The following ELF5 variants were observed in gnomAD, a reference collection of about 807,000 sequenced individuals.
ELF5 encodes the protein E74 like ETS transcription factor 5, also known as ETS-related transcription factor Elf-5.
ELF5 carries 31 observed loss-of-function variants against 38.2 expected under a neutral mutation model. The ratio of observed to expected loss-of-function variants is 0.81; its 90% CI spans 0.61 to 1.10. The LOEUF (loss-of-function observed/expected upper bound fraction) is 1.10, where lower values mean the gene tolerates loss of function less well. ELF5 is among the 50% of genes least tolerant of loss of function. The pLI is 0.00. For synonymous variants in ELF5, 121 were observed against 112.5 expected (o/e 1.08, Z -0.48); for missense variants, 300 against 306.6 (o/e 0.98, Z 0.16).
chr11:34,504,516 C>G (rs894571668), intron 2 of ELF5, among the ~76,000 whole-genome samples: 1 of 152,140 alleles, frequency 6.6e-6, no homozygotes, highest in Non-Finnish European at 1.5e-5. Context: ...GTCCCTGGCC[C>G]CAGAGGCAGG....
intron 6 of ELF5, 49 bp from the exon 7 acceptor site, chr11:34,480,363 A>T (rs1213554648): frequency 7.1e-7 from 1 of 1,399,132 alleles, no homozygotes; most frequent in East Asian, 2.3e-5. Flanking sequence ...GCACCCTAGG[A>T]AAACAACAGA....
At chr11:34,500,578 G>A (rs1850440024) in intron 2 of ELF5, among the ~76,000 whole-genome samples, 1 of 152,240 alleles carries the variant, frequency 6.6e-6, no homozygotes, top group Non-Finnish European at 1.5e-5. Flanking sequence ...GGGGCCAAGA[G>A]AGCCAAGCCC....
intron 2 of ELF5, among the ~76,000 whole-genome samples, chr11:34,504,652 T>C (rs1171319876): frequency 6.6e-6 from 1 of 152,238 alleles, no homozygotes; most frequent in Non-Finnish European, 1.5e-5. Flanking sequence ...ACAGCTTGAT[T>C]GGCACTTGCA....
At chr11:34,495,574 CT>C (rs1346278481) in intron 2 of ELF5, among the ~76,000 whole-genome samples, 1 of 152,216 alleles carries the variant, frequency 6.6e-6, no homozygotes, top group African/African-American at 2.4e-5. Context: ...CCAGAGATCT[CT>C]TTTACCACCG....
chr11:34,499,712 C>T (rs936133362), intron 2 of ELF5, among the ~76,000 whole-genome samples: 1 of 152,180 alleles, frequency 6.6e-6, no homozygotes, highest in African/African-American at 2.4e-5. Flanking sequence ...GCTAGATGAA[C>T]CTGCCAGCTA....
At chr11:34,494,923 C>T (rs1002168931) in intron 2 of ELF5, among the ~76,000 whole-genome samples, 2 of 152,196 alleles carry the variant, frequency 1.3e-5, no homozygotes, top group Non-Finnish European at 2.9e-5. Context: ...GATTTAAATG[C>T]TATTACAAAC....
intron 1 of ELF5, among the ~76,000 whole-genome samples, chr11:34,511,008 T>C (rs543110132): frequency 1.3e-5 from 2 of 152,014 alleles, no homozygotes; most frequent in African/African-American, 2.4e-5. Flanking sequence ...CTCTTGCCCC[T>C]CTCCAAATCT....
intron 2 of ELF5, among the ~76,000 whole-genome samples, chr11:34,494,289 G>T (rs1850260681): frequency 6.6e-6 from 1 of 152,190 alleles, no homozygotes; most frequent in African/African-American, 2.4e-5. Flanking sequence ...TTTGAAGCTG[G>T]TTTTGATTCC....
chr11:34,492,422 A>G (rs1038845709), intron 3 of ELF5: 1 of 152,256 alleles, frequency 6.6e-6, no homozygotes, highest in African/African-American at 2.4e-5. Context: ...GGGGGCTATT[A>G]GACTACTTGA....
intron 1 of ELF5, among the ~76,000 whole-genome samples, chr11:34,507,239 G>A (rs1037029936): frequency 6.6e-6 from 1 of 152,334 alleles, no homozygotes; most frequent in South Asian, 2.1e-4. Context: ...TTTTGGAGAC[G>A]AGTGTGGACC....
Position 34,480,917 on chromosome 11 carries a change from G to A in ELF5, c.526C>T (p.Pro176Ser). The A allele has an allele frequency of 6.2e-7, 1 of 1,613,990 alleles. No individual in the cohort carries two copies. The highest frequency in any genetic ancestry group is 8.5e-7 in the Non-Finnish European group (1 of 1,180,002). Residue 176 changes from proline to serine, a missense_variant, in exon 6 of 7, where the codon CCT becomes TCT. By Grantham distance (74) the Pro-to-Ser change is moderately conservative. Coordinates refer to ENST00000257832, the MANE Select transcript of ELF5 (RefSeq NM_001422.4). ...TCCAGAATGCCACAGTTTTCTTCAGGAGATAGAAGCAGGTCTCGTACAAAT... is the reference window on the plus strand; with the variant it reads ...TCCAGAATGCCACAGTTTTCTTCAGAAGATAGAAGCAGGTCTCGTACAAAT... The part of the protein sequence containing the change: ...WEFVRDLLLS[P>S]EENCGILEWE...
At chr11:34,505,926 G>A (rs531158809) in intron 1 of ELF5, among the ~76,000 whole-genome samples, 173 bp from the exon 2 acceptor site, 7 of 152,280 alleles carry the variant, frequency 4.6e-5, no homozygotes, top group Admixed American at 1.3e-4. Context: ...TTCCACCCTT[G>A]CCATATCCTG....
At chr11:34,511,592 C>T (rs760458198) in intron 1 of ELF5, 9 of 1,614,188 alleles carry the variant, frequency 5.6e-6, no homozygotes, top group Non-Finnish European at 7.6e-6. Flanking sequence ...CCCCAGATGC[C>T]TCCAGTGGCT....
At chr11:34,488,697 T>C (rs1367780073) in intron 4 of ELF5, among the ~76,000 whole-genome samples, 1 of 152,246 alleles carries the variant, frequency 6.6e-6, no homozygotes, top group East Asian at 1.9e-4. Flanking sequence ...AGCTTCCTTT[T>C]GTCGTGTGGA....
At chr11:34,509,173 C>T (rs760688404) in intron 1 of ELF5, among the ~76,000 whole-genome samples, 6 of 152,068 alleles carry the variant, frequency 3.9e-5, no homozygotes, top group Non-Finnish European at 8.8e-5. Flanking sequence ...CCACTAAAAA[C>T]ACAACAATTA....
intron 2 of ELF5, among the ~76,000 whole-genome samples, chr11:34,498,919 C>T (rs1850383128): frequency 6.6e-6 from 1 of 152,096 alleles, no homozygotes; most frequent in Admixed American, 6.6e-5. Flanking sequence ...AGGTGAAACC[C>T]TGTCTCTACT....
In ELF5 at chr11:34,505,704, A is replaced by G. The variant is rs1224082742; in HGVS notation, c.46T>C (p.Phe16Leu). The G allele has an allele frequency of 1.9e-6, 3 of 1,614,042 alleles. No homozygotes were observed. Among genetic ancestry groups the G allele is most frequent in the African/African-American group, 2.7e-5 (2 of 74,948 alleles). ...GTCCACGACATCAGGGGATCGCAGA[A>G]GGATGCATTAGGCAGGAAGGTGCTG... ...THSTFLPNAS[F>L]CDPLMSWTDL... The change falls in exon 2 of 7, where the codon TTC becomes CTC. Residue 16 changes from phenylalanine (F) to leucine (L), a missense_variant. Phe to Leu is a conservative substitution (Grantham distance 22). Transcript: ENST00000257832.
At chr11:34,505,536 C>T (rs1454506146) in intron 2 of ELF5, 93 bp downstream of exon 2, 4 of 1,578,248 alleles carry the variant, frequency 2.5e-6, no homozygotes, top group Non-Finnish European at 1.7e-6. Context: ...TCCTAGGCCC[C>T]AGCACAGCTT....
chr11:34,482,611 C>A, intron 4 of ELF5, 112 bp from the exon 5 acceptor site: 1 of 783,686 alleles, frequency 1.3e-6, no homozygotes, highest in Non-Finnish European at 2.0e-6. Context: ...TAGAAGACAC[C>A]ACATTAGGCA....
Sources: gnomAD v4.1 joint callset for allele counts (sites outside exome capture counted in the v4.1 genomes callset) on GRCh38, gnomAD v4.1.1 for gene constraint, MANE v1.5 for transcripts, NCBI Gene and HGNC (gene_info 2026-07-23, HGNC 2026-07-21) for gene names.